The following SCN9A variants were observed in gnomAD, a reference collection of about 807,000 sequenced individuals.
SCN9A encodes the protein sodium channel protein type 9 subunit alpha.
A neutral mutation model predicts 187.0 loss-of-function variants in SCN9A; 131 were observed. The observed-to-expected ratio is 0.70, with a 90% CI of 0.61 to 0.81. The LOEUF is 0.81. Ranked by LOEUF, SCN9A falls within the 30% of genes least tolerant of loss-of-function variation. The probability of loss-of-function intolerance (pLI) is 0.00; values close to 1 mark genes in which losing one functional copy is unlikely to be tolerated. For synonymous variants in SCN9A, 809 were observed against 808.6 expected (o/e 1.00, Z -0.01); for missense variants, 2,252 against 2,396.6 (o/e 0.94, Z 1.26).
At chr2:166,209,251 A>G (rs1163666820) in intron 24 of SCN9A, among the ~76,000 whole-genome samples, 2 of 152,220 alleles carry the variant, frequency 1.3e-5, no homozygotes, top group Non-Finnish European at 2.9e-5. Flanking sequence ...ACAGACACCA[A>G]TGCAAAGCAC....
In SCN9A at chr2:166,199,127, A is replaced by G; in HGVS notation, c.5512T>C (p.Cys1838Arg). 2 of 1,614,204 alleles carry G rather than the reference A, an allele frequency of 1.2e-6. No homozygotes were observed. The highest frequency in any genetic ancestry group is 2.2e-5 in the East Asian group (1 of 44,872). Reference protein sequence around the residue: ...LPMVSGDRIHCLDILFAFTKR... With the variant: ...LPMVSGDRIHRLDILFAFTKR... The stretch of plus-strand genomic sequence containing the variant: ...GTAAAAGCAAATAAGATGTCAAGAC[A>G]ATGGATCCGGTCACCACTAACCATG... The change falls in exon 27 of 27, where the codon TGT becomes CGT. Residue 1838 changes from cysteine (C) to arginine (R), a missense_variant. This residue lies in a region of SCN9A where 345 missense variants were observed against 344.6 expected (regional missense o/e 1.00). Coordinates refer to ENST00000642356, the MANE Select transcript of SCN9A (RefSeq NM_001365536.1).
Position 166,267,499 on chromosome 2 carries a change from A to G in SCN9A, c.3351+4900T>C, listed in dbSNP as rs143996964. Among the ~76,000 whole-genome samples, 186 of 151,994 alleles carry G rather than the reference A, an allele frequency of 1.2e-3. 3 individuals are homozygous for G. In the Middle Eastern group the frequency reaches 0.024, roughly 19 times the overall value. On this transcript the variant is annotated intron_variant, in intron 17 of 26. Coordinates refer to ENST00000642356, the MANE Select transcript of SCN9A (RefSeq NM_001365536.1). ...TTTTGCATCTGTGTTCATCAGGGATAGTGGCCTTCAGCTTTCTTTTCGTGT... is the reference window on the plus strand; with the variant it reads ...TTTTGCATCTGTGTTCATCAGGGATGGTGGCCTTCAGCTTTCTTTTCGTGT...
intron 1 of SCN9A, among the ~76,000 whole-genome samples, chr2:166,316,978 A>G (rs1699124834): frequency 2.0e-5 from 3 of 152,140 alleles, no homozygotes; most frequent in African/African-American, 4.8e-5. Flanking sequence ...GAGAGCGTTC[A>G]AAGACTATTT....
intron 1 of SCN9A, among the ~76,000 whole-genome samples, chr2:166,314,552 C>T (rs1699061392): frequency 1.3e-5 from 2 of 152,142 alleles, no homozygotes; most frequent in Admixed American, 1.3e-4. Context: ...AAAGTAAACA[C>T]AACCTCATTA....
chr2:166,277,683 G>A (rs35459615), intron 15 of SCN9A: 21,251 of 232,320 alleles, frequency 0.091, 1,251 homozygotes, highest in Middle Eastern at 0.16. Context: ...TTCTCATGCC[G>A]ACACTTAGAT....
At chr2:166,345,353 A>T (rs72884745) in intron 1 of SCN9A, among the ~76,000 whole-genome samples, 4,835 of 152,130 alleles carry the variant, frequency 0.032, 105 homozygotes, top group Non-Finnish European at 0.046. Context: ...TACAAATGTA[A>T]TTTTTTCTAT....
intron 19 of SCN9A, among the ~76,000 whole-genome samples, chr2:166,240,431 A>G (rs1695516603): frequency 6.6e-6 from 1 of 152,122 alleles, no homozygotes; most frequent in South Asian, 2.1e-4. Context: ...TCTTCCTCAT[A>G]TGATTTATTT....
At chr2:166,370,161 A>T (rs1050211885) in intron 1 of SCN9A, among the ~76,000 whole-genome samples, 35 of 150,448 alleles carry the variant, frequency 2.3e-4, no homozygotes, top group Non-Finnish European at 3.1e-4. Context: ...AAGTTGACAG[A>T]TACCACATCC....
chr2:166,372,875 AG>A (rs1700597171), intron 1 of SCN9A, among the ~76,000 whole-genome samples: 1 of 152,208 alleles, frequency 6.6e-6, no homozygotes, highest in Non-Finnish European at 1.5e-5. Context: ...ATGAAGACAT[AG>A]TCTGGGTTCC....
At chr2:166,244,397 C>T (rs199670264) in intron 18 of SCN9A, among the ~76,000 whole-genome samples, 1 of 152,014 alleles carries the variant, frequency 6.6e-6, no homozygotes, top group Non-Finnish European at 1.5e-5. Flanking sequence ...TGTTGTTAAA[C>T]TGTCAGAAAT....
chr2:166,277,880 T>C (rs562694033), intron 15 of SCN9A: 1 of 335,144 alleles, frequency 3.0e-6, no homozygotes, highest in African/African-American at 2.1e-5. Flanking sequence ...TAAATTATTG[T>C]ACTATATTAA....
At chr2:166,283,097 G>A (rs1276061593) in intron 12 of SCN9A, among the ~76,000 whole-genome samples, 1 of 151,334 alleles carries the variant, frequency 6.6e-6, no homozygotes, top group Non-Finnish European at 1.5e-5. Context: ...ATTTTTCTAT[G>A]GTGAAAAAAC....
chr2:166,262,336 A>T (rs531998066), intron 17 of SCN9A, among the ~76,000 whole-genome samples: 1 of 152,182 alleles, frequency 6.6e-6, no homozygotes, highest in South Asian at 2.1e-4. Flanking sequence ...AGTCTTGAGA[A>T]AGAAATATAT....
chr2:166,355,850 A>G (rs7602898), intron 1 of SCN9A, among the ~76,000 whole-genome samples: 50,251 of 150,434 alleles, frequency 0.33, 9,916 homozygotes, highest in Non-Finnish European at 0.44. Flanking sequence ...TCAGCTCACT[A>G]TAACCTCTGC....
At chr2:166,238,615 C>G (rs1446078011) in intron 19 of SCN9A, among the ~76,000 whole-genome samples, 3 of 152,186 alleles carry the variant, frequency 2.0e-5, no homozygotes, top group Non-Finnish European at 4.4e-5. Context: ...AAGACATGAT[C>G]CCATGGCCAG....
chr2:166,295,430 A>G (rs1698255716), intron 7 of SCN9A, among the ~76,000 whole-genome samples: 1 of 152,192 alleles, frequency 6.6e-6, no homozygotes, highest in Non-Finnish European at 1.5e-5. Context: ...ACAAACCTAG[A>G]TGGTATAGGC....
intron 1 of SCN9A, among the ~76,000 whole-genome samples, chr2:166,321,086 G>C (rs912911627): frequency 1.3e-5 from 2 of 152,194 alleles, no homozygotes; most frequent in East Asian, 3.9e-4. Flanking sequence ...CAATGACCAG[G>C]TTTTATTATT....
At chr2:166,226,078 A>G (rs1694830412) in intron 24 of SCN9A, among the ~76,000 whole-genome samples, 1 of 152,010 alleles carries the variant, frequency 6.6e-6, no homozygotes, top group Non-Finnish European at 1.5e-5. Context: ...CTCAAATTAC[A>G]GTATTCAACA....
intron 24 of SCN9A, among the ~76,000 whole-genome samples, chr2:166,222,646 A>C (rs868646894): frequency 4.0e-5 from 6 of 149,580 alleles, no homozygotes; most frequent in Admixed American, 2.0e-4. Context: ...AACAAACAGC[A>C]ACAAGGCCGG....
Sources: gnomAD v4.1 joint callset for allele counts (sites outside exome capture counted in the v4.1 genomes callset) on GRCh38, gnomAD v4.1.1 for gene constraint, gnomAD v4.1.1 regional missense constraint, MANE v1.5 for transcripts, NCBI Gene and HGNC (gene_info 2026-07-23, HGNC 2026-07-21) for gene names.